Variants in WASHC5 observed in about 807,000 individuals in gnomAD.
WASHC5 encodes the protein WASH complex subunit 5, also known as WASH complex subunit strumpellin.
WASHC5 carries 101 observed loss-of-function variants against 150.4 expected under a neutral mutation model. The observed-to-expected ratio is 0.67, with a 90% CI of 0.57 to 0.79. WASHC5 has a LOEUF of 0.79. WASHC5 is among the 30% of genes least tolerant of loss of function. The pLI, the probability that WASHC5 is intolerant of heterozygous loss-of-function variation, is 0.00. For missense variants in WASHC5, 1,195 were observed against 1,396.3 expected (o/e 0.86, Z 2.30); for synonymous variants, 467 against 491.2 (o/e 0.95, Z 0.65).
chr8:125,025,806 T>A (rs796380049), intron 28 of WASHC5, among the ~76,000 whole-genome samples: 8 of 144,010 alleles, frequency 5.6e-5, no homozygotes, highest in African/African-American at 2.3e-4. Flanking sequence ...GTAATGAATT[T>A]TTCCAGTTTA....
At chr8:125,047,163 C>T (rs757759105) in intron 20 of WASHC5, 44 bp downstream of exon 20, 1 of 1,611,996 alleles carries the variant, frequency 6.2e-7, no homozygotes, top group South Asian at 1.1e-5. Flanking sequence ...GCAGATGAGA[C>T]TGCCTGCAGT....
chr8:125,034,008 T>C (rs1001083369), intron 26 of WASHC5, among the ~76,000 whole-genome samples: 45 of 152,220 alleles, frequency 3.0e-4, no homozygotes, highest in African/African-American at 9.9e-4. Context: ...AATAAGGAAC[T>C]TGTATCCATA....
intron 17 of WASHC5, among the ~76,000 whole-genome samples, chr8:125,054,590 T>C (rs558078040): frequency 1.3e-5 from 2 of 152,076 alleles, no homozygotes; most frequent in East Asian, 3.9e-4. Flanking sequence ...TCCCAGCACT[T>C]TGGGAGGCCG....
rs1484097490 is a variant in WASHC5 at position 125,091,651 on chromosome 8, CCGGA to C, written c.-165_-162del. ...GCCGCGCCACGGCGCACGCGCAGGG[CCGGA>C]GGTCGCGCGCGGAGCCGGCACCCAG... On this transcript the variant is annotated 5_prime_UTR_variant, in exon 1 of 29. Coordinates refer to ENST00000318410, the MANE Select transcript of WASHC5 (RefSeq NM_014846.4). The C allele has an allele frequency of 6.6e-6, 1 of 152,504 alleles. No homozygotes were observed. Among genetic ancestry groups the C allele is most frequent in the Admixed American group, 6.5e-5 (1 of 15,294 alleles). 9.4% of individuals were successfully genotyped at this position (152,504 alleles called of 1,614,324 possible). A position where few individuals can be genotyped will look rare whatever the true frequency, so the allele number is the denominator to read the frequency against.
rs547379841 is a variant in WASHC5 at position 125,055,474 on chromosome 8, T to C, written c.2097+117A>G. The C allele has an allele frequency of 5.6e-5, 43 of 765,186 alleles. 1 individual carries two copies. In the South Asian group the frequency reaches 5.9e-4, roughly 10 times the overall value. The allele number at this position is 765,186 out of a possible 1,614,324, so 47.4% of individuals were successfully genotyped here. On this transcript the variant is annotated intron_variant, in intron 17 of 28. Coordinates refer to ENST00000318410, the MANE Select transcript of WASHC5 (RefSeq NM_014846.4). ...TAAATGAGTAAAATGAAGACCGAAA[T>C]TGGAATGTCAAACAGCCAGATGATG...
intron 9 of WASHC5, among the ~76,000 whole-genome samples, chr8:125,072,849 C>T (rs961927642): frequency 1.3e-5 from 2 of 152,178 alleles, no homozygotes; most frequent in Non-Finnish European, 2.9e-5. Context: ...TACCACAGAT[C>T]TGCAGTTCTA....
At chr8:125,055,519 T>G in intron 17 of WASHC5, 72 bp downstream of exon 17, 1 of 884,318 alleles carries the variant, frequency 1.1e-6, no homozygotes, top group African/African-American at 1.6e-5. Flanking sequence ...TTTGCACACA[T>G]GATAATTACC....
Position 125,081,748 on chromosome 8 carries a change from T to C in WASHC5, c.431A>G (p.Tyr144Cys), listed in dbSNP as rs770894452. ...GACCAGTAGCATAACTCCATATAAG[T>C]ACAGTGCTTCACACTAAGAAGAGAA... Reference protein sequence around the residue: ...DGKQLLCEALYLYGVMLLVID... With the variant: ...DGKQLLCEALCLYGVMLLVID... Residue 144 changes from tyrosine to cysteine, a missense_variant, in exon 5 of 29, where the codon TAC (tyrosine) becomes TGC (cysteine). Around this residue, in one of 3 missense-constraint regions of WASHC5, gnomAD observed 195 missense variants for 206.9 expected, o/e 0.94. Coordinates refer to ENST00000318410, the MANE Select transcript of WASHC5 (RefSeq NM_014846.4). 1 of 1,605,892 alleles carries C rather than the reference T, an allele frequency of 6.2e-7. No homozygotes were observed. The highest frequency in any genetic ancestry group is 8.5e-7 in the Non-Finnish European group (1 of 1,172,700).
intron 26 of WASHC5, among the ~76,000 whole-genome samples, chr8:125,036,874 G>A (rs57708414): frequency 0.031 from 4,694 of 152,110 alleles, 252 homozygotes; most frequent in African/African-American, 0.11. Context: ...TTAGATGGGC[G>A]TGGTAGTACG....
intron 28 of WASHC5, among the ~76,000 whole-genome samples, chr8:125,025,428 G>A (rs1007855787): frequency 1.2e-4 from 18 of 152,040 alleles, no homozygotes; most frequent in East Asian, 1.2e-3. Context: ...GGTGGCTCAC[G>A]CCTGTAATCC....
At chr8:125,048,880 A>G in intron 19 of WASHC5, 126 bp downstream of exon 19, 1 of 767,602 alleles carries the variant, frequency 1.3e-6, no homozygotes, top group Admixed American at 2.9e-5. Context: ...CTGGCTCCTG[A>G]AAGTACTCTG....
intron 5 of WASHC5, among the ~76,000 whole-genome samples, chr8:125,081,156 T>A (rs930199464): frequency 6.6e-6 from 1 of 151,770 alleles, no homozygotes; most frequent in Non-Finnish European, 1.5e-5. Flanking sequence ...ATGTAATACA[T>A]AGATTATATA....
intron 27 of WASHC5, among the ~76,000 whole-genome samples, chr8:125,031,284 A>AT (rs1249100565): frequency 4.6e-5 from 7 of 151,724 alleles, no homozygotes; most frequent in South Asian, 4.2e-4. Context: ...GGTTCGTTTT[A>AT]TTTTTTTTGA....
chr8:125,063,677 T>C, intron 10 of WASHC5, 26 bp from the exon 11 acceptor site: 1 of 1,611,014 alleles, frequency 6.2e-7, no homozygotes, highest in Non-Finnish European at 8.5e-7. Flanking sequence ...AAAATATTTA[T>C]TTACTTAAGA....
chr8:125,026,099 G>A (rs1319200078), intron 28 of WASHC5, among the ~76,000 whole-genome samples: 1 of 152,100 alleles, frequency 6.6e-6, no homozygotes, highest in Non-Finnish European at 1.5e-5. Context: ...GCACTTACAA[G>A]TCCCATTTCT....
At position 125,078,752 on chromosome 8, in the gene WASHC5, C is replaced by A. The variant is rs1817136582; in HGVS notation, c.697G>T (p.Asp233Tyr). The A allele has an allele frequency of 2.5e-6, 4 of 1,613,314 alleles. No homozygotes were observed. ...TTAATTCCCACCTGGTTGTAAATATCATCAGATCTCAGTCGACCAATGACC... is the reference window on the plus strand; with the variant it reads ...TTAATTCCCACCTGGTTGTAAATATAATCAGATCTCAGTCGACCAATGACC... ...SMVIGRLRSD[D>Y]IYNQVSAYPL... Residue 233 changes from aspartate (D) to tyrosine (Y), a missense_variant, in exon 6 of 29, where the codon GAT becomes TAT. Around this residue, in one of 3 missense-constraint regions of WASHC5, gnomAD observed 997 missense variants for 1,168.1 expected, o/e 0.85. Coordinates refer to ENST00000318410, the MANE Select transcript of WASHC5 (RefSeq NM_014846.4).
intron 9 of WASHC5, among the ~76,000 whole-genome samples, chr8:125,072,912 T>C (rs1031447191): frequency 3.3e-5 from 5 of 152,186 alleles, no homozygotes; most frequent in Non-Finnish European, 7.3e-5. Flanking sequence ...GACAAGCTCC[T>C]TGAACATGAG....
chr8:125,085,596 C>T (rs1817397306), intron 1 of WASHC5, among the ~76,000 whole-genome samples: 1 of 152,164 alleles, frequency 6.6e-6, no homozygotes, highest in Non-Finnish European at 1.5e-5. Flanking sequence ...TTCCTGTACA[C>T]ATAAGTCTTT....
At chr8:125,053,719 T>A (rs1816316994) in intron 17 of WASHC5, among the ~76,000 whole-genome samples, 2 of 152,138 alleles carry the variant, frequency 1.3e-5, no homozygotes, top group African/African-American at 4.8e-5. Context: ...AATATTAATA[T>A]GGCAATTAGG....
Sources: allele counts gnomAD v4.1 joint callset (sites outside exome capture counted in the v4.1 genomes callset), GRCh38; gene constraint gnomAD v4.1.1; regional missense constraint gnomAD v4.1.1; transcripts MANE v1.5; gene names NCBI Gene and HGNC (gene_info 2026-07-23, HGNC 2026-07-21).